Variants in MAML3 observed in about 807,000 individuals in gnomAD.
MAML3 encodes the protein mastermind-like protein 3.
In MAML3, 27 loss-of-function variants were observed where a neutral mutation model predicts 101.9. The observed-to-expected ratio is 0.27, with a 90% CI of 0.20 to 0.37. The LOEUF (loss-of-function observed/expected upper bound fraction) is 0.37. Among genes scored for constraint, MAML3 ranks in the 10% least tolerant of loss-of-function variants. MAML3 has a pLI of 1.00. For missense variants in MAML3, 1,316 were observed against 1,444.9 expected, an observed-to-expected ratio of 0.91 and a Z score of 1.45; for synonymous variants, 501 against 555.9, an observed-to-expected ratio of 0.90 and a Z score of 1.39.
chr4:139,778,663 C>A (rs1730137081), intron 2 of MAML3, among the ~76,000 whole-genome samples: 1 of 152,186 alleles, frequency 6.6e-6, no homozygotes, highest in Admixed American at 6.5e-5. Flanking sequence ...ATTTATAAGG[C>A]CCTTGTGGTT....
intron 1 of MAML3, among the ~76,000 whole-genome samples, chr4:139,912,967 C>T (rs1027460059): frequency 6.6e-6 from 1 of 152,030 alleles, no homozygotes; most frequent in Non-Finnish European, 1.5e-5. Context: ...CATGAATCTG[C>T]AGTAGGACAA....
intron 1 of MAML3, among the ~76,000 whole-genome samples, chr4:140,113,688 TA>T (rs751283998): frequency 1.3e-5 from 2 of 151,748 alleles, no homozygotes; most frequent in Non-Finnish European, 2.9e-5. Flanking sequence ...GGCAGAGGAG[TA>T]GAGTCTTGTT....
chr4:139,779,412 A>T (rs1004258643), intron 2 of MAML3, among the ~76,000 whole-genome samples: 4 of 152,190 alleles, frequency 2.6e-5, no homozygotes, highest in African/African-American at 9.7e-5. Context: ...TTAATTTAAA[A>T]ATAATTTGTG....
chr4:139,727,390 C>T (rs991067384), intron 3 of MAML3, among the ~76,000 whole-genome samples: 1 of 152,214 alleles, frequency 6.6e-6, no homozygotes, highest in Non-Finnish European at 1.5e-5. Flanking sequence ...AGTCAAACTT[C>T]CCATATAATA....
chr4:139,987,092 C>G (rs1734552831), intron 1 of MAML3, among the ~76,000 whole-genome samples: 2 of 152,150 alleles, frequency 1.3e-5, no homozygotes, highest in African/African-American at 4.8e-5. Context: ...AGCCACTGTT[C>G]CCACTGTAGA....
intron 1 of MAML3, among the ~76,000 whole-genome samples, chr4:140,022,410 A>G (rs193183992): frequency 3.3e-5 from 5 of 152,310 alleles, no homozygotes; most frequent in Admixed American, 3.3e-4. Flanking sequence ...CGGAAAAAGG[A>G]GGAAAGTAAG....
At chr4:139,895,236 A>T (rs1732586317) in intron 1 of MAML3, among the ~76,000 whole-genome samples, 1 of 152,242 alleles carries the variant, frequency 6.6e-6, no homozygotes. Context: ...TTCAAATCCA[A>T]CATCACCTAC....
intron 2 of MAML3, among the ~76,000 whole-genome samples, chr4:139,825,361 G>A (rs1279744373): frequency 6.6e-6 from 1 of 152,132 alleles, no homozygotes; most frequent in African/African-American, 2.4e-5. Flanking sequence ...GCCTTTGTGG[G>A]CAGGATTTAT....
intron 2 of MAML3, among the ~76,000 whole-genome samples, chr4:139,748,769 G>A (rs1172258996): frequency 7.6e-6 from 1 of 132,396 alleles, no homozygotes; most frequent in Non-Finnish European, 1.6e-5. Flanking sequence ...TTCAAGCTCC[G>A]AGGTTTTGAA....
chr4:140,079,489 T>TCAC, intron 1 of MAML3, among the ~76,000 whole-genome samples: 1 of 152,238 alleles, frequency 6.6e-6, no homozygotes, highest in Admixed American at 6.5e-5. Flanking sequence ...ATATGGAGTT[T>TCAC]CACCACGTTG....
intron 2 of MAML3, among the ~76,000 whole-genome samples, chr4:139,873,553 C>T (rs760466665): frequency 1.4e-4 from 22 of 152,252 alleles, no homozygotes; most frequent in Non-Finnish European, 2.6e-4. Flanking sequence ...AATGAAGAAA[C>T]GAAGGTGTGT....
At chr4:139,999,483 G>T (rs114779431) in intron 1 of MAML3, among the ~76,000 whole-genome samples, 1 of 152,144 alleles carries the variant, frequency 6.6e-6, no homozygotes, top group Non-Finnish European at 1.5e-5. Context: ...TTCCCCGATT[G>T]TCGTATGCCT....
intron 1 of MAML3, among the ~76,000 whole-genome samples, chr4:139,915,716 C>A (rs1226679399): frequency 6.6e-6 from 1 of 152,120 alleles, no homozygotes; most frequent in African/African-American, 2.4e-5. Context: ...ATCCTCTGAA[C>A]CCACTATAAC....
At chr4:140,032,814 T>C (rs1439587266) in intron 1 of MAML3, among the ~76,000 whole-genome samples, 1 of 150,818 alleles carries the variant, frequency 6.6e-6, no homozygotes, top group African/African-American at 2.4e-5. Context: ...TTTTGATAAA[T>C]TCCAAAGTTC....
At chr4:139,887,484 C>T (rs1732367826) in intron 2 of MAML3, among the ~76,000 whole-genome samples, 3 of 152,332 alleles carry the variant, frequency 2.0e-5, no homozygotes, top group South Asian at 4.1e-4. Flanking sequence ...CAAAACATGA[C>T]CTCTGCAGCT....
chr4:139,767,263 G>A (rs925743911), intron 2 of MAML3, among the ~76,000 whole-genome samples: 9 of 152,178 alleles, frequency 5.9e-5, no homozygotes, highest in Non-Finnish European at 1.2e-4. Context: ...GGATGTGTTC[G>A]TTAGGAAAGC....
intron 3 of MAML3, among the ~76,000 whole-genome samples, chr4:139,727,124 C>T (rs1427227986): frequency 6.6e-6 from 1 of 152,164 alleles, no homozygotes; most frequent in African/African-American, 2.4e-5. Context: ...TGTGTTTGTT[C>T]CTGGGCTGCT....
chr4:140,130,641 A>G (rs776585601), intron 1 of MAML3, among the ~76,000 whole-genome samples: 1 of 152,222 alleles, frequency 6.6e-6, no homozygotes, highest in South Asian at 2.1e-4. Context: ...TAGCAGACGG[A>G]TAAGTGTAAC....
At chr4:140,126,818 C>T (rs992100226) in intron 1 of MAML3, among the ~76,000 whole-genome samples, 1 of 152,192 alleles carries the variant, frequency 6.6e-6, no homozygotes, top group African/African-American at 2.4e-5. Context: ...GCTAGTAACA[C>T]CATTTTCCAA....
Sources: gnomAD v4.1 joint callset for allele counts (sites outside exome capture counted in the v4.1 genomes callset) on GRCh38, gnomAD v4.1.1 for gene constraint, MANE v1.5 for transcripts, NCBI Gene and HGNC (gene_info 2026-07-23, HGNC 2026-07-21) for gene names.